Variants in NUP205 observed in about 807,000 individuals in gnomAD.
The protein encoded by NUP205 is nuclear pore complex protein Nup205.
A neutral mutation model predicts 253.8 loss-of-function variants in NUP205; 76 were observed. That is an observed-to-expected ratio of 0.30 (90% confidence interval 0.25 to 0.36). NUP205 has a LOEUF of 0.36. Ranked by LOEUF, NUP205 falls within the 10% of genes least tolerant of loss-of-function variation. The pLI is 1.00. For missense variants in NUP205, 2,162 were observed against 2,425.5 expected (o/e 0.89, Z 2.28); for synonymous variants, 832 against 850.1 (o/e 0.98, Z 0.37).
intron 4 of NUP205, 95 bp downstream of exon 4, chr7:135,576,509 C>T: frequency 1.9e-6 from 2 of 1,070,742 alleles, no homozygotes; most frequent in Admixed American, 2.1e-5. Flanking sequence ...CAATATGTAA[C>T]ATAAGCTGAG....
intron 14 of NUP205, 43 bp from the exon 15 acceptor site, chr7:135,597,955 T>C (rs1421180916): frequency 6.7e-7 from 1 of 1,482,274 alleles, no homozygotes; most frequent in Admixed American, 1.7e-5. Context: ...ACTTCATAGC[T>C]AATAGTTTTT....
intron 2 of NUP205, among the ~76,000 whole-genome samples, 200 bp downstream of exon 2, chr7:135,571,447 C>T (rs932567695): frequency 2.0e-5 from 3 of 151,266 alleles, no homozygotes; most frequent in African/African-American, 7.3e-5. Context: ...AACTTTGTAG[C>T]CCAGGCTTGT....
At chr7:135,608,303 C>A (rs1041353766) in intron 22 of NUP205, among the ~76,000 whole-genome samples, 1 of 152,134 alleles carries the variant, frequency 6.6e-6, no homozygotes, top group African/African-American at 2.4e-5. Context: ...GGATTATAGG[C>A]ATGAGCCACC....
intron 38 of NUP205, among the ~76,000 whole-genome samples, chr7:135,640,890 C>A (rs1251537065): frequency 6.6e-6 from 1 of 152,044 alleles, no homozygotes; most frequent in Non-Finnish European, 1.5e-5. Context: ...CTATATAGTT[C>A]TTGTTTTCTC....
chr7:135,601,206 G>T (rs1793958626), intron 16 of NUP205, among the ~76,000 whole-genome samples, 164 bp from the exon 17 acceptor site: 1 of 151,992 alleles, frequency 6.6e-6, no homozygotes, highest in Non-Finnish European at 1.5e-5. Context: ...ACTGCTTTGT[G>T]CAGATTTGCC....
intron 7 of NUP205, among the ~76,000 whole-genome samples, chr7:135,579,542 T>C (rs55909552): frequency 0.034 from 5,169 of 152,298 alleles, 119 homozygotes; most frequent in Middle Eastern, 0.1. Context: ...TATTTTTATA[T>C]ATTTTACTTC....
intron 1 of NUP205, among the ~76,000 whole-genome samples, chr7:135,562,769 T>A (rs1019262583): frequency 2.0e-5 from 3 of 151,906 alleles, no homozygotes; most frequent in Admixed American, 2.0e-4. Flanking sequence ...ATGGTCTTGA[T>A]CTCCTGACCT....
At chr7:135,587,035 T>C (rs1806482610) in intron 8 of NUP205, among the ~76,000 whole-genome samples, 1 of 152,080 alleles carries the variant, frequency 6.6e-6, no homozygotes, top group African/African-American at 2.4e-5. Flanking sequence ...CCAACTGTAA[T>C]TGTGGATTTG....
Position 135,643,245 on chromosome 7 carries a change from A to T in NUP205, c.5446A>T (p.Ile1816Phe), listed in dbSNP as rs761655149. ...YWRLPGLGII[I>F]YLLKQSANDF... ...GCGCCTGCCTGGTTTAGGCATTATC[A>T]TCTACCTGCTGAAACAGAGTGCTAA... The change falls in exon 39 of 43, where the codon ATC becomes TTC. Residue 1816 changes from isoleucine to phenylalanine, a missense_variant. Around this residue, in one of 5 missense-constraint regions of NUP205, gnomAD observed 1,144 missense variants for 1,280.9 expected, o/e 0.89. Transcript: ENST00000285968. 1.2e-6 allele frequency: 2 copies of T among 1,614,032 alleles called. No homozygotes were observed. Among genetic ancestry groups the T allele is most frequent in the Admixed American group, 1.7e-5 (1 of 60,004 alleles).
chr7:135,570,676 TATA>T (rs1563109866), intron 1 of NUP205, among the ~76,000 whole-genome samples: 2,633 of 118,678 alleles, frequency 0.022, 79 homozygotes, highest in South Asian at 0.068. Context: ...ATAATTAATA[TATA>T]TTAATTATAT....
In NUP205 at chr7:135,576,346, A is replaced by T. The variant is rs755036220; in HGVS notation, c.420A>T (p.Arg140=). The T allele has an allele frequency of 1.1e-5, 18 of 1,613,714 alleles. No homozygotes were observed. The change falls in exon 4 of 43, where the codon CGA becomes CGT. Residue 140 remains arginine (R), a synonymous_variant. Coordinates refer to ENST00000285968, the MANE Select transcript of NUP205 (RefSeq NM_015135.3). The part of the protein sequence containing the change: ...VAVLLYWDGK[R]CIANSLKALI... The stretch of plus-strand genomic sequence containing the variant: ...TTCTTCTGTACTGGGATGGAAAGCG[A>T]TGCATTGCGAATTCCTTGAAAGCCT...
rs533457351 is a variant in NUP205, at chr7:135,576,917, G to A, written c.489-52G>A. 4.6e-5 allele frequency: 71 copies of A among 1,530,714 alleles called. No individual in the cohort carries two copies. The African/African-American group carries it at 8.5e-4, about 18-fold the overall frequency. The allele number at this position is 1,530,714 out of a possible 1,614,324, so 94.8% of individuals were successfully genotyped here. ...CGTTTGCTATACCTATTATTATGAA[G>A]AAGCATAAACAATATTGTTTAACGT... On this transcript the variant is annotated intron_variant, in intron 4 of 42. Coordinates refer to ENST00000285968, the MANE Select transcript of NUP205 (RefSeq NM_015135.3).
intron 35 of NUP205, among the ~76,000 whole-genome samples, chr7:135,634,096 T>A (rs1392669453): frequency 3.3e-5 from 5 of 152,140 alleles, no homozygotes; most frequent in South Asian, 4.2e-4. Flanking sequence ...ATATATATAT[T>A]TTTTAATTTC....
chr7:135,602,705 C>A, intron 17 of NUP205, 100 bp from the exon 18 acceptor site: 1 of 934,496 alleles, frequency 1.1e-6, no homozygotes. Context: ...ATCTCTAGAT[C>A]TGAAAATCTA....
At chr7:135,574,952 T>C (rs573204820) in intron 3 of NUP205, among the ~76,000 whole-genome samples, 1 of 152,282 alleles carries the variant, frequency 6.6e-6, no homozygotes, top group African/African-American at 2.4e-5. Context: ...AAGTATGATA[T>C]TGAGAATGAG....
At chr7:135,591,806 A>G (rs926917441) in intron 11 of NUP205, among the ~76,000 whole-genome samples, 1 of 152,210 alleles carries the variant, frequency 6.6e-6, no homozygotes, top group Non-Finnish European at 1.5e-5. Context: ...GAGTTTTGTC[A>G]TTCTCCTTTA....
rs1217601030 is a variant in NUP205 at position 135,645,482 on chromosome 7, T to C, written c.5698T>C (p.Cys1900Arg). The part of the protein sequence containing the change: ...LSLCSFIIET[C>R]LFILWRHLEY... ...CTCTGGTATAGTTATCATAGAGACC[T>C]GCCTATTTATTCTTTGGCGCCATCT... The change falls in exon 41 of 43, where the codon TGC (cysteine) becomes CGC (arginine). Residue 1900 changes from cysteine (C) to arginine (R), a missense_variant. Coordinates refer to ENST00000285968, the MANE Select transcript of NUP205 (RefSeq NM_015135.3). 5 of 1,613,826 alleles carry C rather than the reference T, an allele frequency of 3.1e-6. No homozygotes were observed. Among genetic ancestry groups the C allele is most frequent in the Non-Finnish European group, 4.2e-6 (5 of 1,179,882 alleles).
rs746474356 is a variant in NUP205, at chr7:135,604,443, G to T, written c.2806G>T (p.Asp936Tyr). Reference sequence around the variant, plus strand: ...TAATATTCAGATAAAGTTGGTTGGAGATTTCACACATGACCAGGTAACTGA... The same window carrying T: ...TAATATTCAGATAAAGTTGGTTGGATATTTCACACATGACCAGGTAACTGA... ...NSNIQIKLVGDFTHDQSISQK... is the reference protein window; with the variant it reads ...NSNIQIKLVGYFTHDQSISQK... Residue 936 changes from aspartate (D) to tyrosine (Y), a missense_variant, in exon 19 of 43, where the codon GAT becomes TAT. Asp to Tyr is a radical substitution (Grantham distance 160, BLOSUM62 -3). Around this residue, in one of 5 missense-constraint regions of NUP205, gnomAD observed 892 missense variants for 957.1 expected, o/e 0.93. Coordinates refer to ENST00000285968, the MANE Select transcript of NUP205 (RefSeq NM_015135.3). 2 of 1,605,456 alleles carry T rather than the reference G, an allele frequency of 1.2e-6. No homozygotes were observed. The highest frequency in any genetic ancestry group is 1.7e-6 in the Non-Finnish European group (2 of 1,177,902).
At chr7:135,603,161 G>T (rs1794001428) in intron 18 of NUP205, among the ~76,000 whole-genome samples, 167 bp downstream of exon 18, 1 of 137,136 alleles carries the variant, frequency 7.3e-6, no homozygotes, top group Non-Finnish European at 1.5e-5. Context: ...TGTCGTCCAG[G>T]CTAGAGTGCA....
Sources: allele counts gnomAD v4.1 joint callset (sites outside exome capture counted in the v4.1 genomes callset), GRCh38; gene constraint gnomAD v4.1.1; regional missense constraint gnomAD v4.1.1; transcripts MANE v1.5; gene names NCBI Gene and HGNC (gene_info 2026-07-23, HGNC 2026-07-21).